The following STXBP6 variants were observed in gnomAD, a reference collection of about 807,000 sequenced individuals.
STXBP6 encodes the protein syntaxin-binding protein 6.
In STXBP6, 21 loss-of-function variants were observed where a neutral mutation model predicts 26.9. That is an observed-to-expected ratio of 0.78 (90% confidence interval 0.55 to 1.12). STXBP6 has a LOEUF of 1.12. Among genes scored for constraint, STXBP6 ranks in the 50% most tolerant of loss-of-function variants. The pLI, the probability that STXBP6 is intolerant of heterozygous loss-of-function variation, is 0.00. For synonymous variants in STXBP6, 97 were observed against 92.6 expected (o/e 1.05, Z -0.27); for missense variants, 232 against 257.9 (o/e 0.90, Z 0.69).
chr14:25,004,098 G>A (rs561138999), intron 1 of STXBP6, among the ~76,000 whole-genome samples: 1 of 152,180 alleles, frequency 6.6e-6, no homozygotes, highest in Non-Finnish European at 1.5e-5. Context: ...GAGCGAATGT[G>A]AGTGATCGTG....
intron 2 of STXBP6, among the ~76,000 whole-genome samples, chr14:24,939,579 T>C (rs553161981): frequency 6.6e-5 from 10 of 152,294 alleles, no homozygotes; most frequent in Non-Finnish European, 1.3e-4. Context: ...GCTATCAAGA[T>C]ATGTTTGTTG....
chr14:24,952,279 G>C (rs541251008), intron 2 of STXBP6, among the ~76,000 whole-genome samples: 6 of 150,498 alleles, frequency 4.0e-5, no homozygotes, highest in South Asian at 2.1e-4. Context: ...CTCTGCTTAG[G>C]GGGTAGCCAT....
chr14:24,923,609 A>G (rs2072060673), intron 2 of STXBP6, among the ~76,000 whole-genome samples: 1 of 152,158 alleles, frequency 6.6e-6, no homozygotes, highest in South Asian at 2.1e-4. Context: ...TGCTTACACT[A>G]CAAAACTTCA....
chr14:24,846,725 C>A (rs2068975993), intron 4 of STXBP6, among the ~76,000 whole-genome samples: 2 of 152,130 alleles, frequency 1.3e-5, no homozygotes, highest in Non-Finnish European at 2.9e-5. Flanking sequence ...AGGTACACTG[C>A]AGGTAGAAGG....
intron 1 of STXBP6, among the ~76,000 whole-genome samples, chr14:25,017,978 G>A (rs1304729817): frequency 1.3e-5 from 2 of 152,060 alleles, no homozygotes; most frequent in South Asian, 2.1e-4. Flanking sequence ...GCTCTTGGTC[G>A]TGGATCACCC....
chr14:24,934,844 CAG>C (rs1295507427), intron 2 of STXBP6, among the ~76,000 whole-genome samples: 1 of 151,964 alleles, frequency 6.6e-6, no homozygotes, highest in African/African-American at 2.4e-5. Flanking sequence ...GTTAGGAGGT[CAG>C]AGGCAAACTG....
At chr14:24,945,444 C>A (rs993335194) in intron 2 of STXBP6, among the ~76,000 whole-genome samples, 10 of 151,968 alleles carry the variant, frequency 6.6e-5, no homozygotes. Context: ...GTAGCACACA[C>A]CTGTAGTCCC....
intron 4 of STXBP6, among the ~76,000 whole-genome samples, chr14:24,831,895 AGG>A (rs1285258654): frequency 6.6e-6 from 1 of 152,184 alleles, no homozygotes; most frequent in Admixed American, 6.6e-5. Context: ...CTGTGGTCAA[AGG>A]GGCGAATGAA....
At chr14:24,939,414 C>T (rs1181465827) in intron 2 of STXBP6, among the ~76,000 whole-genome samples, 1 of 150,966 alleles carries the variant, frequency 6.6e-6, no homozygotes, top group Non-Finnish European at 1.5e-5. Flanking sequence ...GCAAAAGGTT[C>T]AATTAGATGT....
intron 2 of STXBP6, among the ~76,000 whole-genome samples, chr14:24,887,084 G>A (rs1391539368): frequency 6.6e-6 from 1 of 152,274 alleles, no homozygotes; most frequent in South Asian, 2.1e-4. Context: ...GGCAGGAAAG[G>A]TATTATTTTA....
At chr14:24,863,287 A>AT (rs902996581) in intron 2 of STXBP6, among the ~76,000 whole-genome samples, 4 of 151,490 alleles carry the variant, frequency 2.6e-5, no homozygotes, top group Admixed American at 2.0e-4. Context: ...GAGGGAATGA[A>AT]TTTTTTTTTA....
chr14:24,943,879 GGGTAATTT>G (rs2072890017), intron 2 of STXBP6, among the ~76,000 whole-genome samples: 1 of 152,108 alleles, frequency 6.6e-6, no homozygotes, highest in Admixed American at 6.5e-5. Flanking sequence ...TATTTAAAAA[GGGTAATTT>G]GGTGATTTGA....
intron 4 of STXBP6, among the ~76,000 whole-genome samples, chr14:24,831,165 T>C (rs2068444482): frequency 6.6e-6 from 1 of 152,174 alleles, no homozygotes; most frequent in Non-Finnish European, 1.5e-5. Flanking sequence ...AGTTTCTTAG[T>C]TATGATACCT....
chr14:24,931,185 A>C (rs2072390123), intron 2 of STXBP6, among the ~76,000 whole-genome samples: 1 of 134,756 alleles, frequency 7.4e-6, no homozygotes, highest in African/African-American at 2.8e-5. Flanking sequence ...GAACTGAACA[A>C]TGAGAACACT....
At position 24,825,734 on chromosome 14, in the gene STXBP6, C is replaced by G. The variant is rs1435355251; in HGVS notation, c.452-6540G>C. 1.3e-5 allele frequency among the ~76,000 whole-genome samples: 2 copies of G among 152,180 alleles called. 1 individual carries two copies. On this transcript the variant is annotated intron_variant, in intron 4 of 5. Transcript: ENST00000323944. The stretch of plus-strand genomic sequence containing the variant: ...TCATATAGACAACTATGAGTTCATA[C>G]TCTCCTCTCAATTCACTGTTTCAAT...
intron 1 of STXBP6, among the ~76,000 whole-genome samples, chr14:25,020,626 T>A (rs1361921337): frequency 6.6e-6 from 1 of 152,246 alleles, no homozygotes; most frequent in South Asian, 2.1e-4. Flanking sequence ...CTGAGACACC[T>A]ACCACCCATC....
chr14:24,873,200 G>T (rs926577325), intron 2 of STXBP6, among the ~76,000 whole-genome samples: 15 of 152,090 alleles, frequency 9.9e-5, no homozygotes, highest in Admixed American at 9.8e-4. Flanking sequence ...CCCCTGATAA[G>T]CTTGCCGTAG....
Position 24,856,887 on chromosome 14 carries a change from C to T in STXBP6, c.285+140G>A, listed in dbSNP as rs147096207. ...TTCCCATAAGAAAGGACTCTGTATC[C>T]GAAAGTTTTAATCACATAATTGAAA... On this transcript the variant is annotated intron_variant, in intron 3 of 5. Transcript: ENST00000323944. 5.8e-4 allele frequency: 608 copies of T among 1,056,706 alleles called. 4 individuals carry two copies. In the African/African-American group the frequency reaches 8.4e-3, roughly 15 times the overall value. 65.5% of individuals were successfully genotyped at this position (1,056,706 alleles called of 1,614,324 possible).
At chr14:24,827,551 T>C (rs1224027796) in intron 4 of STXBP6, among the ~76,000 whole-genome samples, 3 of 152,162 alleles carry the variant, frequency 2.0e-5, no homozygotes, top group African/African-American at 7.2e-5. Flanking sequence ...CTCTCCAACA[T>C]ATCCCACACC....
Sources: allele counts gnomAD v4.1 joint callset (sites outside exome capture counted in the v4.1 genomes callset), GRCh38; gene constraint gnomAD v4.1.1; transcripts MANE v1.5; gene names NCBI Gene and HGNC (gene_info 2026-07-23, HGNC 2026-07-21).